The following DLGAP2 variants were observed in gnomAD, a reference collection of about 807,000 sequenced individuals.
DLGAP2 encodes the protein DLG associated protein 2.
In DLGAP2, 26 loss-of-function variants were observed where a neutral mutation model predicts 100.3. The observed-to-expected ratio is 0.26, with a 90% confidence interval of 0.19 to 0.36. The LOEUF (loss-of-function observed/expected upper bound fraction) is 0.36. DLGAP2 is among the 10% of genes least tolerant of loss of function. DLGAP2 has a pLI of 1.00. For synonymous variants in DLGAP2, 886 were observed against 630.1 expected, an observed-to-expected ratio of 1.41 and a Z score of -6.08; for missense variants, 1,858 against 1,453.2, an observed-to-expected ratio of 1.28 and a Z score of -4.53.
intron 3 of DLGAP2, among the ~76,000 whole-genome samples, chr8:1,370,197 T>C (rs1165604151): frequency 6.6e-6 from 1 of 152,150 alleles, no homozygotes; most frequent in African/African-American, 2.4e-5. Context: ...TCCTCAGCAC[T>C]GCCCTTCAGA....
intron 2 of DLGAP2, among the ~76,000 whole-genome samples, chr8:979,123 G>T (rs1019426791): frequency 6.6e-6 from 1 of 152,144 alleles, no homozygotes; most frequent in African/African-American, 2.4e-5. Context: ...GGCGAGTGCA[G>T]TTCTTGAATC....
rs1563099072 is a variant in DLGAP2 at position 1,350,263 on chromosome 8, T to TGC, written c.106+91381_106+91382insCG. 5.1e-3 allele frequency among the ~76,000 whole-genome samples: 190 copies of TGC among 37,092 alleles called. 2 individuals are homozygous for TGC. The highest frequency in any genetic ancestry group is 0.011 in the African/African-American group (115 of 10,076). 24.3% of individuals were successfully genotyped at this position (37,092 alleles called of 152,430 possible). A position where few individuals can be genotyped will look rare whatever the true frequency, so the allele number is the denominator to read the frequency against. Reference sequence around the variant, plus strand: ...AAAGGCCGTGCGGGTCCTGAGCATGTGTGGAACGGCCGTGCGGGTCCTGAG... The same window carrying TGC: ...AAAGGCCGTGCGGGTCCTGAGCATGTGCGTGGAACGGCCGTGCGGGTCCTGAG... On this transcript the variant is annotated intron_variant, in intron 3 of 14. Transcript: ENST00000637795.
At chr8:912,572 C>T (rs1424123205) in intron 2 of DLGAP2, among the ~76,000 whole-genome samples, 3 of 152,128 alleles carry the variant, frequency 2.0e-5, no homozygotes, top group Non-Finnish European at 2.9e-5. Context: ...TCTTGGCAGC[C>T]ACCAGTTGTC....
chr8:1,207,912 A>T (rs933041843), intron 2 of DLGAP2, among the ~76,000 whole-genome samples: 15 of 151,002 alleles, frequency 9.9e-5, no homozygotes, highest in African/African-American at 3.7e-4. Flanking sequence ...TTTTGATGGG[A>T]TTATTTGTTT....
At chr8:881,365 A>G (rs1354175096) in intron 1 of DLGAP2, among the ~76,000 whole-genome samples, 2 of 152,172 alleles carry the variant, frequency 1.3e-5, no homozygotes, top group Non-Finnish European at 2.9e-5. Flanking sequence ...TATCTCTGTA[A>G]ATAGAGATTC....
At chr8:879,100 T>C (rs1016085869) in intron 1 of DLGAP2, among the ~76,000 whole-genome samples, 1 of 152,176 alleles carries the variant, frequency 6.6e-6, no homozygotes, top group Admixed American at 6.5e-5. Flanking sequence ...TTATTTTTAT[T>C]TTTTACATTG....
At chr8:815,252 G>T (rs764573427) in intron 1 of DLGAP2, among the ~76,000 whole-genome samples, 1 of 152,212 alleles carries the variant, frequency 6.6e-6, no homozygotes, top group Non-Finnish European at 1.5e-5. Flanking sequence ...TGCTTGCAGG[G>T]TAGTGCCCTG....
chr8:985,042 T>G (rs1027669540), intron 2 of DLGAP2, among the ~76,000 whole-genome samples: 4 of 152,298 alleles, frequency 2.6e-5, no homozygotes, highest in Non-Finnish European at 5.9e-5. Flanking sequence ...GAGGGGAAAG[T>G]AAAGCAAATA....
intron 1 of DLGAP2, among the ~76,000 whole-genome samples, chr8:742,329 A>G (rs914622820): frequency 6.6e-6 from 1 of 152,230 alleles, no homozygotes; most frequent in African/African-American, 2.4e-5. Flanking sequence ...TGTGTTAAAA[A>G]TTTTTAAAGT....
chr8:944,557 G>A (rs997136375), intron 2 of DLGAP2, among the ~76,000 whole-genome samples: 17 of 151,646 alleles, frequency 1.1e-4, no homozygotes, highest in Admixed American at 6.6e-4. Flanking sequence ...CCCTGTGGCT[G>A]ACCCAGTGGG....
At chr8:1,104,827 T>A (rs1036478512) in intron 2 of DLGAP2, 1 of 152,184 alleles carries the variant, frequency 6.6e-6, no homozygotes, top group African/African-American at 2.4e-5. Flanking sequence ...TACCCTTAAT[T>A]AGGTTGCATC....
intron 2 of DLGAP2, among the ~76,000 whole-genome samples, chr8:1,191,232 C>T (rs533571589): frequency 2.6e-3 from 236 of 90,392 alleles, no homozygotes; most frequent in African/African-American, 7.5e-3. Context: ...AGTACAGTGG[C>T]GCGATCTCGG....
At chr8:1,591,081 G>A (rs944298440) in intron 6 of DLGAP2, among the ~76,000 whole-genome samples, 4 of 152,196 alleles carry the variant, frequency 2.6e-5, no homozygotes, top group African/African-American at 9.7e-5. Context: ...CCCCATGCCG[G>A]CAGCTGCAGA....
chr8:1,031,228 G>A (rs1359209028), intron 2 of DLGAP2, among the ~76,000 whole-genome samples: 2 of 152,126 alleles, frequency 1.3e-5, no homozygotes, highest in South Asian at 4.1e-4. Flanking sequence ...AGGGTGGCAA[G>A]AGAGGAGGGC....
intron 1 of DLGAP2, among the ~76,000 whole-genome samples, chr8:795,590 G>A (rs1428285644): frequency 6.8e-6 from 1 of 146,660 alleles, no homozygotes; most frequent in Non-Finnish European, 1.5e-5. Context: ...GTGCATCGGA[G>A]ACTCACAGGT....
intron 2 of DLGAP2, among the ~76,000 whole-genome samples, chr8:1,218,846 T>C (rs1798262555): frequency 6.6e-6 from 1 of 152,168 alleles, no homozygotes; most frequent in Admixed American, 6.5e-5. Flanking sequence ...TTTCACCACC[T>C]GGTTAGCTGT....
At chr8:1,478,825 C>A (rs78379959) in intron 3 of DLGAP2, among the ~76,000 whole-genome samples, 5,912 of 152,256 alleles carry the variant, frequency 0.039, 371 homozygotes, top group African/African-American at 0.13. Flanking sequence ...ATTCTAGCCC[C>A]CTCCTTGATG....
chr8:1,012,352 G>C (rs1435119754), intron 2 of DLGAP2, among the ~76,000 whole-genome samples: 1 of 152,220 alleles, frequency 6.6e-6, no homozygotes, highest in African/African-American at 2.4e-5. Context: ...CTGCCACACA[G>C]ATACTGTACT....
chr8:750,850 A>G (rs1484748838), intron 1 of DLGAP2, among the ~76,000 whole-genome samples: 1 of 152,204 alleles, frequency 6.6e-6, no homozygotes, highest in African/African-American at 2.4e-5. Context: ...AAGAATTCAA[A>G]TTGGCTAAAT....
Sources: gnomAD v4.1 joint callset for allele counts (sites outside exome capture counted in the v4.1 genomes callset) on GRCh38, gnomAD v4.1.1 for gene constraint, MANE v1.5 for transcripts, NCBI Gene and HGNC (gene_info 2026-07-23, HGNC 2026-07-21) for gene names.